The following TRAPPC9 variants were observed in gnomAD, a reference collection of about 807,000 sequenced individuals.
TRAPPC9 encodes the protein trafficking protein particle complex subunit 9, also known as IKK2 binding protein.
A neutral mutation model predicts 124.0 loss-of-function variants in TRAPPC9; 83 were observed. The ratio of observed to expected loss-of-function variants is 0.67; its 90% CI spans 0.56 to 0.80. The LOEUF (loss-of-function observed/expected upper bound fraction) is 0.80, where lower values mean the gene tolerates loss of function less well. TRAPPC9 is among the 30% of genes least tolerant of loss of function. The probability of loss-of-function intolerance (pLI) is 0.00; values close to 1 mark genes in which losing one functional copy is unlikely to be tolerated. For synonymous variants in TRAPPC9, 638 were observed against 617.5 expected (o/e 1.03, Z -0.49); for missense variants, 1,302 against 1,508.3 (o/e 0.86, Z 2.27).
At chr8:140,418,969 T>G (rs1319476168) in intron 5 of TRAPPC9, among the ~76,000 whole-genome samples, 2 of 152,130 alleles carry the variant, frequency 1.3e-5, no homozygotes, top group Non-Finnish European at 2.9e-5. Context: ...AAGCATTTGA[T>G]AAATTCAACA....
chr8:140,155,721 A>G (rs1035794553), intron 17 of TRAPPC9, among the ~76,000 whole-genome samples: 2 of 152,242 alleles, frequency 1.3e-5, no homozygotes, highest in African/African-American at 4.8e-5. Context: ...ATCAATGTCC[A>G]AAAAAGCAGG....
rs1023118870 is a variant in TRAPPC9, at chr8:140,241,340, G to A, written c.2431+11437C>T. Among the ~76,000 whole-genome samples the A allele has an allele frequency of 6.6e-6, 1 of 152,064 alleles. No homozygotes were observed. The highest frequency in any genetic ancestry group is 1.5e-5 in the Non-Finnish European group (1 of 68,030). On this transcript the variant is annotated intron_variant, in intron 16 of 22. Coordinates refer to ENST00000438773, the MANE Select transcript of TRAPPC9 (RefSeq NM_001160372.4). This position sits in a 1 kb window ranked among gnomAD's most constrained non-coding sequence, Gnocchi z 5.0. ...GGAGATCACTTGAACCCAGGAAGTT[G>A]TAGTGAGCTGAGATCACACCACTGC...
intron 21 of TRAPPC9, among the ~76,000 whole-genome samples, chr8:139,847,575 G>A (rs1253673871): frequency 6.6e-6 from 1 of 150,720 alleles, no homozygotes; most frequent in African/African-American, 2.4e-5. Flanking sequence ...TGGCGGCGTG[G>A]CCTGCAGATG....
chr8:140,378,058 C>G (rs2068497269), intron 7 of TRAPPC9, among the ~76,000 whole-genome samples: 2 of 152,246 alleles, frequency 1.3e-5, no homozygotes, highest in Non-Finnish European at 1.5e-5. Flanking sequence ...TTCCGTGAAC[C>G]TTTTTCATGT....
At chr8:140,224,501 C>G (rs2063403077) in intron 16 of TRAPPC9, among the ~76,000 whole-genome samples, 4 of 152,144 alleles carry the variant, frequency 2.6e-5, no homozygotes, top group Admixed American at 2.0e-4. Flanking sequence ...GTTCAGTGTT[C>G]CCCATGGAGA....
At chr8:140,178,697 T>G (rs2062128471) in intron 17 of TRAPPC9, among the ~76,000 whole-genome samples, 1 of 152,130 alleles carries the variant, frequency 6.6e-6, no homozygotes, top group Non-Finnish European at 1.5e-5. Flanking sequence ...AAAATTGTAT[T>G]TCCTCTTTAT....
intron 17 of TRAPPC9, among the ~76,000 whole-genome samples, chr8:140,174,515 A>G (rs967313420): frequency 6.6e-6 from 1 of 152,170 alleles, no homozygotes; most frequent in Non-Finnish European, 1.5e-5. Flanking sequence ...ATTTCGGAGT[A>G]TTTCCATCAT....
intron 17 of TRAPPC9, among the ~76,000 whole-genome samples, chr8:140,108,696 G>A (rs919007525): frequency 6.6e-6 from 1 of 152,228 alleles, no homozygotes; most frequent in Non-Finnish European, 1.5e-5. Flanking sequence ...TTTGTTCTCT[G>A]TTGTGTCCCA....
At chr8:139,768,959 CAGGAAGAAGGCAGTCGTCTACAGGCCA>C (rs1820766983) in intron 21 of TRAPPC9, among the ~76,000 whole-genome samples, 2 of 152,216 alleles carry the variant, frequency 1.3e-5, no homozygotes, top group Admixed American at 6.5e-5. Flanking sequence ...AGGGAAGACA[CAGGAAGAAGGCAGTCGTCTACAGGCCA>C]AGGAGCGAGG....
rs538692276 is a variant in TRAPPC9, at chr8:139,989,768, T to C, written c.2700-932A>G. Among the ~76,000 whole-genome samples, 3 of 152,246 alleles carry C rather than the reference T, an allele frequency of 2.0e-5. No homozygotes were observed. The East Asian group carries it at 5.8e-4, about 29-fold the overall frequency. ...CCTCTCTCTAGCCGTGTGAGCTCCA[T>C]GTACAAAGTGGAAAAGTCCAGCCCC... On this transcript the variant is annotated intron_variant, in intron 18 of 22. Transcript: ENST00000438773.
chr8:140,445,883 C>T (rs1182915778), intron 2 of TRAPPC9, among the ~76,000 whole-genome samples: 1 of 152,188 alleles, frequency 6.6e-6, no homozygotes, highest in Admixed American at 6.5e-5. Context: ...GGGATGAAAC[C>T]ACAGGGGACT....
At chr8:140,251,587 G>C (rs1199799981) in intron 16 of TRAPPC9, among the ~76,000 whole-genome samples, 4 of 152,238 alleles carry the variant, frequency 2.6e-5, no homozygotes, top group Non-Finnish European at 4.4e-5. Flanking sequence ...TCTATGGAGG[G>C]CGTCTGTTAG....
intron 15 of TRAPPC9, among the ~76,000 whole-genome samples, chr8:140,256,006 A>G (rs2064246740): frequency 6.6e-6 from 1 of 152,264 alleles, no homozygotes; most frequent in South Asian, 2.1e-4. Context: ...TGGGTCAACA[A>G]GAATCACCTA....
chr8:140,229,370 C>A lies in TRAPPC9; in HGVS notation c.2432-7787G>T, dbSNP rs554761920. Among the ~76,000 whole-genome samples the A allele has an allele frequency of 4.9e-5, 7 of 141,766 alleles. No individual in the cohort carries two copies. The East Asian group carries it at 1.3e-3, about 27-fold the overall frequency. 93.0% of individuals were successfully genotyped at this position (141,766 alleles called of 152,430 possible). On this transcript the variant is annotated intron_variant, in intron 16 of 22. Transcript: ENST00000438773. ...CTCCACCTCCCGGGTTCAAGCAATT[C>A]TCTGCCTCAGCCTCCCGAGTAGCTA... is the stretch of plus-strand genomic sequence containing the variant.
At chr8:140,045,011 A>G (rs1283854330) in intron 17 of TRAPPC9, among the ~76,000 whole-genome samples, 1 of 152,246 alleles carries the variant, frequency 6.6e-6, no homozygotes, top group Non-Finnish European at 1.5e-5. Flanking sequence ...TGAAAACAAA[A>G]TAAGATGCAG....
At chr8:140,314,253 T>C (rs1160847377) in intron 9 of TRAPPC9, among the ~76,000 whole-genome samples, 3 of 152,252 alleles carry the variant, frequency 2.0e-5, no homozygotes, top group African/African-American at 7.2e-5. Flanking sequence ...TATTGTTTAG[T>C]ATCATTATAT....
chr8:140,122,367 A>C (rs1304447656), intron 17 of TRAPPC9, among the ~76,000 whole-genome samples: 1 of 152,150 alleles, frequency 6.6e-6, no homozygotes, highest in Non-Finnish European at 1.5e-5. Flanking sequence ...CCATGCCTGG[A>C]CTCCTGACCC....
At position 140,351,308 on chromosome 8, in the gene TRAPPC9, T is replaced by C. The variant is rs182208095; in HGVS notation, c.1495+8742A>G. On this transcript the variant is annotated intron_variant, in intron 9 of 22. Transcript: ENST00000438773. Reference sequence around the variant, plus strand: ...CTTCCTAGCTGTAGCACTGAGCCCATGGATTCAACCAACCGAGGATTGAAA... The same window carrying C: ...CTTCCTAGCTGTAGCACTGAGCCCACGGATTCAACCAACCGAGGATTGAAA... Among the ~76,000 whole-genome samples the C allele has an allele frequency of 3.1e-3, 474 of 150,788 alleles. 3 individuals carry two copies. Among genetic ancestry groups the C allele is most frequent in the Non-Finnish European group, 5.2e-3 (351 of 67,876 alleles).
chr8:139,863,377 C>T (rs1331417626), intron 21 of TRAPPC9, among the ~76,000 whole-genome samples: 2 of 152,130 alleles, frequency 1.3e-5, no homozygotes, highest in East Asian at 3.9e-4. Flanking sequence ...CACGGAGGGC[C>T]CAAAGAAGGG....
Sources: allele counts gnomAD v4.1 joint callset (sites outside exome capture counted in the v4.1 genomes callset), GRCh38; gene constraint gnomAD v4.1.1; non-coding constraint Gnocchi (gnomAD v3.1); transcripts MANE v1.5; gene names NCBI Gene and HGNC (gene_info 2026-07-23, HGNC 2026-07-21).